Variants in HMG20A observed in about 807,000 individuals in gnomAD.
HMG20A encodes the protein high mobility group protein 20A.
Under a neutral mutation model 43.9 loss-of-function variants are expected in HMG20A, and 17 were observed. That is an observed-to-expected ratio of 0.39 (90% CI 0.27 to 0.58). The LOEUF is 0.58. Ranked by LOEUF, HMG20A falls within the 20% of genes least tolerant of loss-of-function variation. The probability of loss-of-function intolerance (pLI) is 0.59; values close to 1 mark genes in which losing one functional copy is unlikely to be tolerated. For missense variants in HMG20A, 341 were observed against 438.2 expected (o/e 0.78, Z 1.98); for synonymous variants, 132 against 147.5 (o/e 0.89, Z 0.76).
At chr15:77,487,105 G>A (rs1028628930), downstream of HMG20A, among the ~76,000 whole-genome samples, 1 of 152,096 alleles carries the variant, frequency 6.6e-6, no homozygotes, top group Non-Finnish European at 1.5e-5. Flanking sequence ...AGGAAAAGAG[G>A]GCAAGGACAA....
downstream of HMG20A, among the ~76,000 whole-genome samples, chr15:77,486,831 A>G (rs909340286): frequency 1.3e-5 from 2 of 152,232 alleles, no homozygotes; most frequent in Non-Finnish European, 2.9e-5. Context: ...GAGGACAGGA[A>G]GATAGGAAGT....
chr15:77,477,384 G>T (rs113969278), intron 6 of HMG20A, among the ~76,000 whole-genome samples, 171 bp from the exon 7 acceptor site: 4 of 152,310 alleles, frequency 2.6e-5, no homozygotes, highest in African/African-American at 9.6e-5. Flanking sequence ...TAAGCTCTGT[G>T]AAAGTTGGAT....
intron 1 of HMG20A, among the ~76,000 whole-genome samples, chr15:77,435,720 A>G (rs1489476652): frequency 6.6e-6 from 1 of 152,110 alleles, no homozygotes; most frequent in Non-Finnish European, 1.5e-5. Flanking sequence ...CCACCATTCC[A>G]TCAAAAGGGC....
intron 9 of HMG20A, 29 bp from the exon 10 acceptor site, chr15:77,482,941 T>C (rs1337415028): frequency 1.3e-5 from 2 of 152,258 alleles, no homozygotes; most frequent in African/African-American, 2.4e-5. Context: ...TTTTTGTTTT[T>C]GTTTTGTTTT....
intron 1 of HMG20A, among the ~76,000 whole-genome samples, chr15:77,422,972 G>T (rs1344293560): frequency 6.6e-6 from 1 of 152,084 alleles, no homozygotes; most frequent in African/African-American, 2.4e-5. Context: ...AAACTGTAGT[G>T]TTAGGAATTA....
rs1175916062 is a variant in HMG20A at position 77,464,290 on chromosome 15, A to G, written c.140A>G (p.Asn47Ser). 2 of 1,613,890 alleles carry G rather than the reference A, an allele frequency of 1.2e-6. No individual in the cohort carries two copies. Among genetic ancestry groups the G allele is most frequent in the African/African-American group, 2.7e-5 (2 of 75,024 alleles). The change falls in exon 3 of 10, where the codon AAC (asparagine) becomes AGC (serine). Residue 47 changes from asparagine (N) to serine (S), a missense_variant. By Grantham distance (46) the Asn-to-Ser change is conservative (BLOSUM62 1). This residue lies in a region of HMG20A where 220 missense variants were observed against 263.6 expected (regional missense o/e 0.83). Transcript: ENST00000336216. ...AGTAGTGGCGCCACATCATCCACCA[A>G]CAATCCAGAATTTGTGGAGGATCTC... ...PYSSGATSST[N>S]NPEFVEDLSQ...
intron 1 of HMG20A, among the ~76,000 whole-genome samples, chr15:77,446,408 AT>A (rs1244870074): frequency 6.6e-6 from 1 of 152,046 alleles, no homozygotes; most frequent in African/African-American, 2.4e-5. Context: ...ACTGAAAAAC[AT>A]TGTTTTTCAA....
chr15:77,469,525 G>A (rs1009771784), intron 4 of HMG20A, among the ~76,000 whole-genome samples: 5 of 152,022 alleles, frequency 3.3e-5, no homozygotes, highest in African/African-American at 1.2e-4. Context: ...GTAGAGATGG[G>A]ATCTCACTTT....
the HMG20A span, among the ~76,000 whole-genome samples, chr15:77,511,030 G>C: frequency 6.6e-6 from 1 of 152,202 alleles, no homozygotes; most frequent in Admixed American, 6.5e-5. Context: ...TGGGAGCAGG[G>C]AGGTGGCCAA....
chr15:77,508,136 G>A, the HMG20A span, among the ~76,000 whole-genome samples: 1 of 152,212 alleles, frequency 6.6e-6, no homozygotes, highest in East Asian at 1.9e-4. Context: ...GTGAGGTTGG[G>A]AGGAGGGACG....
intron 1 of HMG20A, among the ~76,000 whole-genome samples, chr15:77,423,482 A>G (rs2073392610): frequency 6.6e-6 from 1 of 152,196 alleles, no homozygotes; most frequent in Non-Finnish European, 1.5e-5. Context: ...CTGTTACTTC[A>G]AGTTAATGAA....
rs1457178762 is a variant in HMG20A at position 77,426,472 on chromosome 15, CTATT to C, written c.-5+5473_-5+5476del. 5.9e-5 allele frequency among the ~76,000 whole-genome samples: 9 copies of C among 152,118 alleles called. No individual in the cohort carries two copies. In the East Asian group the frequency reaches 7.7e-4, roughly 13 times the overall value. ...TGATAAGGAAGAAAAAATATGTTTA[CTATT>C]TATTATTCGTTAAGTGGAAGTGGAT... On this transcript the variant is annotated intron_variant, in intron 1 of 9. Coordinates refer to ENST00000336216, the MANE Select transcript of HMG20A (RefSeq NM_001304504.2).
At chr15:77,429,517 C>T (rs2073462497) in intron 1 of HMG20A, among the ~76,000 whole-genome samples, 1 of 152,110 alleles carries the variant, frequency 6.6e-6, no homozygotes, top group Non-Finnish European at 1.5e-5. Context: ...TCATAATTAT[C>T]ATAACTTTTT....
At chr15:77,457,781 G>A (rs1018652836) in intron 1 of HMG20A, among the ~76,000 whole-genome samples, 1 of 152,154 alleles carries the variant, frequency 6.6e-6, no homozygotes, top group Non-Finnish European at 1.5e-5. Flanking sequence ...AGCCACATCA[G>A]CATGCCTTCC....
chr15:77,479,152 T>C (rs16968851), intron 8 of HMG20A, 27 bp from the exon 9 acceptor site: 160,924 of 1,608,732 alleles, frequency 0.1, 8,697 homozygotes, highest in Admixed American at 0.13. Context: ...GGGAGGATTT[T>C]CTTACTTTCT....
At chr15:77,453,547 A>G (rs1218095334) in intron 1 of HMG20A, among the ~76,000 whole-genome samples, 1 of 152,216 alleles carries the variant, frequency 6.6e-6, no homozygotes, top group Non-Finnish European at 1.5e-5. Flanking sequence ...TGGTGGTACC[A>G]GATGTTCCAG....
At chr15:77,457,916 TACTC>T (rs1334156549) in intron 1 of HMG20A, among the ~76,000 whole-genome samples, 9 of 152,196 alleles carry the variant, frequency 5.9e-5, no homozygotes, top group Non-Finnish European at 8.8e-5. Flanking sequence ...CTTTATATAA[TACTC>T]AATGCACTTA....
chr15:77,421,371 TTA>T (rs2073333935), intron 1 of HMG20A, among the ~76,000 whole-genome samples: 1 of 152,252 alleles, frequency 6.6e-6, no homozygotes, highest in Non-Finnish European at 1.5e-5. Flanking sequence ...CAGTCAGAAT[TTA>T]TGAGTTTGCT....
chr15:77,462,573 A>G (rs1367264627), intron 2 of HMG20A, among the ~76,000 whole-genome samples: 5 of 150,286 alleles, frequency 3.3e-5, no homozygotes, highest in African/African-American at 9.8e-5. Flanking sequence ...AGGTGTTTCA[A>G]ATTTATCATT....
Sources: allele counts gnomAD v4.1 joint callset (sites outside exome capture counted in the v4.1 genomes callset), GRCh38; gene constraint gnomAD v4.1.1; regional missense constraint gnomAD v4.1.1; transcripts MANE v1.5; gene names NCBI Gene and HGNC (gene_info 2026-07-23, HGNC 2026-07-21).